SLC44A3: variants seen among roughly 807,000 people sequenced by gnomAD.
SLC44A3 encodes solute carrier family 44 member 3.
SLC44A3 carries 74 observed loss-of-function variants against 75.4 expected under a neutral mutation model. That is an observed-to-expected ratio of 0.98 (90% confidence interval 0.81 to 1.19). SLC44A3 has a LOEUF of 1.19. Ranked by LOEUF, SLC44A3 falls within the 50% of genes most tolerant of loss-of-function variation. The pLI, the probability that SLC44A3 is intolerant of heterozygous loss-of-function variation, is 0.00. For missense variants in SLC44A3, 700 were observed against 778.6 expected (o/e 0.90, Z 1.20); for synonymous variants, 310 against 296.9 (o/e 1.04, Z -0.45).
At chr1:94,876,937 G>A (rs79371492) in intron 12 of SLC44A3, among the ~76,000 whole-genome samples, 26,139 of 151,668 alleles carry the variant, frequency 0.17, 2,478 homozygotes, top group Admixed American at 0.25. Flanking sequence ...GGCCACTCAG[G>A]CCCTGCTTGG....
intron 9 of SLC44A3, chr1:94,855,535 A>G (rs966318980): frequency 3.3e-5 from 5 of 152,210 alleles, no homozygotes; most frequent in African/African-American, 9.7e-5. Context: ...ACCCCATCTT[A>G]GAAAACCATA....
At chr1:94,837,926 AGCATTT>A (rs2101028700) in intron 6 of SLC44A3, 55 bp downstream of exon 6, 1 of 1,421,816 alleles carries the variant, frequency 7.0e-7, no homozygotes, top group African/African-American at 1.5e-5. Flanking sequence ...CAAAGTTCCT[AGCATTT>A]TATATGTTGT....
intron 10 of SLC44A3, among the ~76,000 whole-genome samples, chr1:94,862,875 G>A (rs1666739396): frequency 6.6e-6 from 1 of 152,194 alleles, no homozygotes; most frequent in East Asian, 1.9e-4. Flanking sequence ...CCAGAGGTAA[G>A]TATTATATTT....
rs1280949692 is a variant in SLC44A3, at chr1:94,827,659, T to C, written c.415+16T>C. 6 of 1,613,246 alleles carry C rather than the reference T, an allele frequency of 3.7e-6. No homozygotes were observed. Among genetic ancestry groups the C allele is most frequent in the Non-Finnish European group, 4.2e-6 (5 of 1,179,290 alleles). On this transcript the variant is annotated intron_variant, in intron 4 of 14. Coordinates refer to ENST00000271227, the MANE Select transcript of SLC44A3 (RefSeq NM_001114106.3). ...AACACCAGTGGTAGGCACTAAGGCCTGGTTTGTTCTTTTCCCCATGATGGG... is the reference window on the plus strand; with the variant it reads ...AACACCAGTGGTAGGCACTAAGGCCCGGTTTGTTCTTTTCCCCATGATGGG...
intron 12 of SLC44A3, among the ~76,000 whole-genome samples, chr1:94,881,814 C>T (rs1355783835): frequency 2.0e-5 from 3 of 147,774 alleles, no homozygotes; most frequent in Non-Finnish European, 3.0e-5. Context: ...AGATCGAGAC[C>T]ATCCTGGCCA....
Position 94,845,281 on chromosome 1 carries a change from G to A in SLC44A3, c.889G>A (p.Val297Met), listed in dbSNP as rs556041690. The change falls in exon 9 of 15, where the codon GTG (valine) becomes ATG (methionine). Residue 297 changes from valine (V) to methionine (M), a missense_variant. Physicochemically the swap from Val to Met is conservative, Grantham distance 21. Transcript: ENST00000271227. ...FAIVSTGITA[V>M]LLVLIFVLRK... is the part of the protein sequence containing the mutation. ...ACTCAAATCCCTTTCTCACCAGGCAGTGCTGCTCGTCTTGATTTTTGTTCT... is the reference window on the plus strand; with the variant it reads ...ACTCAAATCCCTTTCTCACCAGGCAATGCTGCTCGTCTTGATTTTTGTTCT... 2.1e-4 allele frequency: 340 copies of A among 1,607,146 alleles called. No homozygotes were observed. Among genetic ancestry groups the A allele is most frequent in the Non-Finnish European group, 2.7e-4 (317 of 1,176,574 alleles).
chr1:94,856,829 C>G (rs764944415), intron 9 of SLC44A3, among the ~76,000 whole-genome samples: 2 of 152,064 alleles, frequency 1.3e-5, no homozygotes, highest in Non-Finnish European at 2.9e-5. Context: ...CTCCCAGGTT[C>G]AAGAGATTCT....
At position 94,827,639 on chromosome 1, in the gene SLC44A3, C is replaced by T; in HGVS notation, c.411C>T (p.Thr137=). Residue 137 remains threonine, a synonymous_variant, in exon 4 of 15, where the codon ACC becomes ACT. Transcript: ENST00000271227. ...AAGAGGTCCAGTTCTTTGCAAACAC[C>T]AGTGGTAGGCACTAAGGCCTGGTTT... ...SLEEVQFFAN[T]SGSFLCVYSL... is the part of the protein sequence containing the mutation. 1.2e-6 allele frequency: 2 copies of T among 1,614,118 alleles called. No individual in the cohort carries two copies. Among genetic ancestry groups the T allele is most frequent in the Non-Finnish European group, 8.5e-7 (1 of 1,180,012 alleles).
chr1:94,820,904 C>T (rs1450864203), intron 1 of SLC44A3, 45 bp from the exon 2 acceptor site: 1 of 1,515,182 alleles, frequency 6.6e-7, no homozygotes, highest in East Asian at 2.5e-5. Context: ...CAGGTTGAGT[C>T]CACCTGTTTA....
intron 12 of SLC44A3, among the ~76,000 whole-genome samples, chr1:94,885,167 C>T (rs1241816950): frequency 8.1e-6 from 1 of 123,258 alleles, no homozygotes; most frequent in Non-Finnish European, 1.6e-5. Flanking sequence ...CAATTGACCA[C>T]AGGAATACAA....
chr1:94,865,613 T>A (rs1667080680), intron 11 of SLC44A3, among the ~76,000 whole-genome samples: 1 of 152,204 alleles, frequency 6.6e-6, no homozygotes, highest in Admixed American at 6.5e-5. Flanking sequence ...GGAAAACAGC[T>A]GTTCTCATGG....
chr1:94,869,561 G>C (rs1667537777), intron 12 of SLC44A3, among the ~76,000 whole-genome samples: 1 of 152,208 alleles, frequency 6.6e-6, no homozygotes, highest in Admixed American at 6.5e-5. Flanking sequence ...AGGAGATTGG[G>C]AAGAGGAGGA....
intron 9 of SLC44A3, among the ~76,000 whole-genome samples, chr1:94,848,616 G>A (rs1291835733): frequency 1.3e-5 from 2 of 152,150 alleles, no homozygotes; most frequent in Non-Finnish European, 2.9e-5. Context: ...AGCAGGGATG[G>A]TTTTAATTTA....
chr1:94,863,503 A>G (rs150058447), intron 10 of SLC44A3, among the ~76,000 whole-genome samples: 209 of 152,200 alleles, frequency 1.4e-3, no homozygotes, highest in Non-Finnish European at 2.4e-3. Context: ...AGGCACACAA[A>G]TCTCCTCAAT....
At chr1:94,864,453 C>T (rs975184010) in intron 10 of SLC44A3, among the ~76,000 whole-genome samples, 1 of 152,098 alleles carries the variant, frequency 6.6e-6, no homozygotes, top group Non-Finnish European at 1.5e-5. Flanking sequence ...TGAATAGGCA[C>T]CCTAAAGGGT....
chr1:94,834,100 T>A (rs1332693953), intron 5 of SLC44A3, among the ~76,000 whole-genome samples: 2 of 152,236 alleles, frequency 1.3e-5, no homozygotes, highest in Non-Finnish European at 2.9e-5. Flanking sequence ...AGTATAATGG[T>A]TAGCAATTCT....
chr1:94,875,067 C>T (rs943144967), intron 12 of SLC44A3, among the ~76,000 whole-genome samples: 1 of 152,204 alleles, frequency 6.6e-6, no homozygotes, highest in Non-Finnish European at 1.5e-5. Context: ...CCAGGCCCAG[C>T]CAACAAGGTG....
At chr1:94,820,743 G>C (rs952779149) in intron 1 of SLC44A3, 1 of 1,393,556 alleles carries the variant, frequency 7.2e-7, no homozygotes, top group Non-Finnish European at 9.3e-7. Flanking sequence ...TGGCGGCAGG[G>C]GGCTTAACAT....
At chr1:94,841,688 A>G (rs999104171) in intron 7 of SLC44A3, among the ~76,000 whole-genome samples, 1 of 152,190 alleles carries the variant, frequency 6.6e-6, no homozygotes, top group South Asian at 2.1e-4. Context: ...CATCCTGTCC[A>G]TGGGGTTTTC....
Sources: gnomAD v4.1 joint callset for allele counts (sites outside exome capture counted in the v4.1 genomes callset) on GRCh38, gnomAD v4.1.1 for gene constraint, MANE v1.5 for transcripts, NCBI Gene and HGNC (gene_info 2026-07-23, HGNC 2026-07-21) for gene names.